The following AP2A1 variants were observed in gnomAD, a reference collection of about 807,000 sequenced individuals.
AP2A1 encodes AP-2 complex subunit alpha-1.
AP2A1 carries 21 observed loss-of-function variants against 107.3 expected under a neutral mutation model. The ratio of observed to expected loss-of-function variants is 0.20; its 90% CI spans 0.14 to 0.28. The LOEUF is 0.28. Among genes scored for constraint, AP2A1 ranks in the 10% least tolerant of loss-of-function variants. AP2A1 has a pLI of 1.00. For synonymous variants in AP2A1, 602 were observed against 564.8 expected (o/e 1.07, Z -0.93); for missense variants, 873 against 1,307.7 (o/e 0.67, Z 5.13).
At chr19:49,782,770 G>A (rs1452683932) in intron 4 of AP2A1, 46 bp downstream of exon 4, 11 of 1,533,088 alleles carry the variant, frequency 7.2e-6, no homozygotes, top group Non-Finnish European at 9.6e-6. Context: ...TGGGGGTGAT[G>A]AGTCCCAGCC....
chr19:49,786,500 C>G (rs538576891), intron 4 of AP2A1, among the ~76,000 whole-genome samples: 10 of 152,318 alleles, frequency 6.6e-5, no homozygotes, highest in Non-Finnish European at 1.2e-4. Context: ...TAAGCTCGGG[C>G]CTGGTGAAGC....
chr19:49,776,285 T>C (rs1363143123), intron 1 of AP2A1, among the ~76,000 whole-genome samples: 1 of 152,118 alleles, frequency 6.6e-6, no homozygotes, highest in African/African-American at 2.4e-5. Context: ...TCCAGGCCAT[T>C]GCACCTGCTG....
intron 4 of AP2A1, among the ~76,000 whole-genome samples, chr19:49,789,053 A>G (rs900474646): frequency 1.3e-5 from 2 of 152,166 alleles, no homozygotes; most frequent in African/African-American, 4.8e-5. Flanking sequence ...CAGTCGGGCG[A>G]GTATCTGCCT....
intron 4 of AP2A1, among the ~76,000 whole-genome samples, chr19:49,790,944 C>T (rs2073133946): frequency 6.6e-6 from 1 of 152,218 alleles, no homozygotes; most frequent in Non-Finnish European, 1.5e-5. Context: ...TCTCTGCTCA[C>T]CACCCACAGC....
chr19:49,769,049 A>C (rs1228425968), intron 1 of AP2A1, among the ~76,000 whole-genome samples: 1 of 152,108 alleles, frequency 6.6e-6, no homozygotes, highest in East Asian at 1.9e-4. Flanking sequence ...CAGGAGTTCA[A>C]GACCAACCTG....
In AP2A1 at chr19:49,767,047, G is replaced by T; in HGVS notation, c.-87G>T. 7.0e-7 allele frequency: 1 copy of T among 1,428,756 alleles called. No individual in the cohort carries two copies. Among genetic ancestry groups the T allele is most frequent in the East Asian group, 2.9e-5 (1 of 34,380 alleles). 88.5% of individuals were successfully genotyped at this position (1,428,756 alleles called of 1,614,324 possible). A position where few individuals can be genotyped will look rare whatever the true frequency, so the allele number is the denominator to read the frequency against. ...CCGGCTCGGCTCCTTGGCGCTGCCTGGGGTCCTTTCCGCCCGGTCCCCGCT... is the reference window on the plus strand; with the variant it reads ...CCGGCTCGGCTCCTTGGCGCTGCCTTGGGTCCTTTCCGCCCGGTCCCCGCT... On this transcript the variant is annotated 5_prime_UTR_variant, in exon 1 of 23. Transcript: ENST00000354293.
At chr19:49,789,364 C>T (rs1314025178) in intron 4 of AP2A1, among the ~76,000 whole-genome samples, 3 of 152,082 alleles carry the variant, frequency 2.0e-5, no homozygotes, top group Non-Finnish European at 4.4e-5. Context: ...GATCTCAGCT[C>T]ACTGCAACCT....
chr19:49,801,198 A>G (rs2073274706), intron 12 of AP2A1, 140 bp downstream of exon 12: 2 of 1,019,256 alleles, frequency 2.0e-6, no homozygotes, highest in South Asian at 1.6e-5. Context: ...TAGCAGGGTA[A>G]GAAAGGAGCT....
At position 49,782,673 on chromosome 19, in the gene AP2A1, G is replaced by T. The variant is rs779214091; in HGVS notation, c.422G>T (p.Arg141Leu). Residue 141 changes from arginine to leucine, a missense_variant, in exon 4 of 23, where the codon CGG (arginine) becomes CTG (leucine). By Grantham distance (102) the Arg-to-Leu change is moderately radical. This residue lies in a region of AP2A1 where 157 missense variants were observed against 212.6 expected (regional missense o/e 0.74). Coordinates refer to ENST00000354293, the MANE Select transcript of AP2A1 (RefSeq NM_130787.3). ...CACTGCATCGCCAACGTGGGCAGCC[G>T]GGAGATGGGCGAGGCCTTTGCCGCT... ...ALHCIANVGS[R>L]EMGEAFAADI... is the part of the protein sequence containing the mutation. 1.9e-6 allele frequency: 3 copies of T among 1,611,710 alleles called. No homozygotes were observed. The highest frequency in any genetic ancestry group is 2.5e-6 in the Non-Finnish European group (3 of 1,179,466).
intron 1 of AP2A1, among the ~76,000 whole-genome samples, chr19:49,775,189 C>T (rs2084605419): frequency 6.6e-6 from 1 of 152,206 alleles, no homozygotes; most frequent in African/African-American, 2.4e-5. Flanking sequence ...GATCGCACCA[C>T]CACACTCCAG....
intron 1 of AP2A1, among the ~76,000 whole-genome samples, chr19:49,774,432 T>A (rs576587500): frequency 6.4e-4 from 97 of 152,102 alleles, no homozygotes; most frequent in Non-Finnish European, 1.3e-3. Context: ...AATGAGAGGG[T>A]TTGATTTTGT....
In AP2A1 at chr19:49,782,217, G is replaced by A. The variant is rs535888823; in HGVS notation, c.279+128G>A. 232 of 701,510 alleles carry A rather than the reference G, an allele frequency of 3.3e-4. 6 individuals carry two copies. The East Asian group carries it at 6.2e-3, about 19-fold the overall frequency. The allele number at this position is 701,510 out of a possible 1,614,324, so 43.5% of individuals were successfully genotyped here. ...GTCTGGACTCCTGGGTATGAGGGAG[G>A]AGGGGGTCTGGGGCTCTGGACTGCT... On this transcript the variant is annotated intron_variant, in intron 3 of 22. Coordinates refer to ENST00000354293, the MANE Select transcript of AP2A1 (RefSeq NM_130787.3).
At chr19:49,773,157 G>T (rs12608893) in intron 1 of AP2A1, among the ~76,000 whole-genome samples, 2 of 152,080 alleles carry the variant, frequency 1.3e-5, no homozygotes, top group African/African-American at 4.8e-5. Flanking sequence ...CAGATAAGGA[G>T]GGGGAGAGGT....
chr19:49,796,155 G>C, intron 7 of AP2A1: 1 of 197,324 alleles, frequency 5.1e-6, no homozygotes, highest in Non-Finnish European at 1.1e-5. Context: ...CATCTGTTGG[G>C]AACCTTCCCC....
At chr19:49,777,737 G>A (rs1236868472) in intron 1 of AP2A1, among the ~76,000 whole-genome samples, 26 of 151,868 alleles carry the variant, frequency 1.7e-4, no homozygotes, top group Non-Finnish European at 4.4e-5. Flanking sequence ...ACCACCCTGG[G>A]CAACATGGCA....
At chr19:49,794,254 C>T (rs1160378908) in intron 6 of AP2A1, among the ~76,000 whole-genome samples, 4 of 139,656 alleles carry the variant, frequency 2.9e-5, no homozygotes, top group African/African-American at 5.4e-5. Flanking sequence ...GTCTTGCTGT[C>T]GCCCAGGCTG....
intron 22 of AP2A1, 39 bp downstream of exon 22, chr19:49,806,292 GC>G (rs1357190394): frequency 6.4e-7 from 1 of 1,558,256 alleles, no homozygotes; most frequent in South Asian, 1.2e-5. Context: ...CGGCAGGAAG[GC>G]CGCCTGTCAT....
intron 6 of AP2A1, 47 bp from the exon 7 acceptor site, chr19:49,795,583 C>A (rs1313583803): frequency 2.0e-6 from 1 of 502,722 alleles, no homozygotes; most frequent in Non-Finnish European, 4.0e-6. Flanking sequence ...GACCCACGTG[C>A]CCCTCCCACC....
rs532788959 is a variant in AP2A1, at chr19:49,785,271, G to A, written c.473+2547G>A. Among the ~76,000 whole-genome samples, 4 of 152,332 alleles carry A rather than the reference G, an allele frequency of 2.6e-5. No homozygotes were observed. The South Asian group carries it at 8.3e-4, about 32-fold the overall frequency. Reference sequence around the variant, plus strand: ...GGGCAGCAAGACCAGCCAGGCATCTGTCACCAGGTCCAGGTCAGAGCTCGC... The same window carrying A: ...GGGCAGCAAGACCAGCCAGGCATCTATCACCAGGTCCAGGTCAGAGCTCGC... On this transcript the variant is annotated intron_variant, in intron 4 of 22. Transcript: ENST00000354293. This position sits in a 1 kb window ranked among gnomAD's most constrained non-coding sequence, Gnocchi z 4.1.
Sources: gnomAD v4.1 joint callset for allele counts (sites outside exome capture counted in the v4.1 genomes callset) on GRCh38, gnomAD v4.1.1 for gene constraint, gnomAD v4.1.1 regional missense constraint, Gnocchi (gnomAD v3.1) non-coding constraint, MANE v1.5 for transcripts, NCBI Gene and HGNC (gene_info 2026-07-23, HGNC 2026-07-21) for gene names.